Variants in HERPUD2 observed in about 807,000 individuals in gnomAD.
HERPUD2 encodes homocysteine-responsive endoplasmic reticulum-resident ubiquitin-like domain member 2 protein.
Under a neutral mutation model 49.9 loss-of-function variants are expected in HERPUD2, and 13 were observed. The observed-to-expected ratio is 0.26, with a 90% confidence interval of 0.17 to 0.41. The LOEUF is 0.41. Among genes scored for constraint, HERPUD2 ranks in the 10% least tolerant of loss-of-function variants. The probability of loss-of-function intolerance (pLI) is 1.00; values close to 1 mark genes in which losing one functional copy is unlikely to be tolerated. For missense variants in HERPUD2, 449 were observed against 492.2 expected (o/e 0.91, Z 0.83); for synonymous variants, 172 against 171.4 (o/e 1.00, Z -0.03).
chr7:35,686,697 C>A (rs1268541474), intron 2 of HERPUD2, among the ~76,000 whole-genome samples: 1 of 75,888 alleles, frequency 1.3e-5, no homozygotes, highest in Non-Finnish European at 2.3e-5. Context: ...CCAGCCTGGG[C>A]GACAGAACGA....
At chr7:35,637,426 T>A (rs1784889622) in intron 6 of HERPUD2, among the ~76,000 whole-genome samples, 1 of 152,028 alleles carries the variant, frequency 6.6e-6, no homozygotes, top group South Asian at 2.1e-4. Context: ...AGAGCTTGAG[T>A]AATAAGAAGA....
At chr7:35,662,757 C>T (rs1383493009) in intron 5 of HERPUD2, among the ~76,000 whole-genome samples, 2 of 152,116 alleles carry the variant, frequency 1.3e-5, no homozygotes, top group East Asian at 1.9e-4. Context: ...TGATTCTTCT[C>T]GCTTTTGTTC....
chr7:35,682,783 C>A (rs1443210007), intron 2 of HERPUD2, among the ~76,000 whole-genome samples: 3 of 148,812 alleles, frequency 2.0e-5, no homozygotes, highest in Non-Finnish European at 3.0e-5. Flanking sequence ...AGCAACCAAG[C>A]GGAGAATCAA....
At chr7:35,673,437 T>C (rs181625750) in intron 2 of HERPUD2, among the ~76,000 whole-genome samples, 159 bp from the exon 3 acceptor site, 56 of 152,264 alleles carry the variant, frequency 3.7e-4, no homozygotes, top group African/African-American at 1.3e-3. Flanking sequence ...CAAATTCTAC[T>C]TAAGAAAAAA....
chr7:35,682,384 T>G (rs1785934527), intron 2 of HERPUD2, among the ~76,000 whole-genome samples: 1 of 133,362 alleles, frequency 7.5e-6, no homozygotes, highest in African/African-American at 2.8e-5. Flanking sequence ...TATATATATA[T>G]ATACTTAATC....
intron 2 of HERPUD2, among the ~76,000 whole-genome samples, chr7:35,690,499 G>A (rs1454454976): frequency 1.3e-5 from 2 of 152,174 alleles, no homozygotes; most frequent in Non-Finnish European, 1.5e-5. Context: ...AGTCATCAGT[G>A]CAAACATTAA....
chr7:35,673,674 C>A (rs139382371), intron 2 of HERPUD2, among the ~76,000 whole-genome samples: 1 of 152,068 alleles, frequency 6.6e-6, no homozygotes, highest in East Asian at 1.9e-4. Flanking sequence ...GATAAAATTT[C>A]GATGTCACCA....
chr7:35,671,743 A>T (rs1417924594), intron 3 of HERPUD2, among the ~76,000 whole-genome samples: 1 of 152,104 alleles, frequency 6.6e-6, no homozygotes, highest in South Asian at 2.1e-4. Context: ...TAGGGGCACA[A>T]GAGTTCTTTG....
chr7:35,651,334 A>C (rs2115880342), intron 5 of HERPUD2, among the ~76,000 whole-genome samples: 1 of 152,232 alleles, frequency 6.6e-6, no homozygotes, highest in East Asian at 1.9e-4. Flanking sequence ...CTGGGGCCTA[A>C]GGACAGGCAT....
intron 2 of HERPUD2, among the ~76,000 whole-genome samples, chr7:35,679,564 G>T (rs930683719): frequency 6.6e-6 from 1 of 152,162 alleles, no homozygotes; most frequent in Non-Finnish European, 1.5e-5. Flanking sequence ...AGGAATCAAG[G>T]TTTAGAAAAA....
intron 5 of HERPUD2, among the ~76,000 whole-genome samples, chr7:35,666,136 C>A (rs1309501529): frequency 6.6e-6 from 1 of 152,174 alleles, no homozygotes; most frequent in Non-Finnish European, 1.5e-5. Context: ...GTATTTGAAG[C>A]TACTGTTCCA....
intron 2 of HERPUD2, among the ~76,000 whole-genome samples, chr7:35,685,439 TC>T (rs1157667836): frequency 6.6e-6 from 1 of 150,824 alleles, no homozygotes; most frequent in Non-Finnish European, 1.5e-5. Context: ...TTCTCGTGCC[TC>T]AGCCTCCCGA....
chr7:35,633,710 GC>G lies in HERPUD2; in HGVS notation c.1200del (p.Pro401LeufsTer26). On this transcript the variant is annotated frameshift_variant, in exon 9 of 9. Coordinates refer to ENST00000311350, the MANE Select transcript of HERPUD2 (RefSeq NM_022373.5). LOFTEE classifies it high-confidence loss of function. ...TTFFTSLIPE[G>X]PPQVAN is the part of the protein sequence containing the mutation. ...TCAGGTCAATTGGCAACCTGGGGAG[GC>G]CCCTCTGGTATTAGTGAAGTAAAGA... 6.2e-7 allele frequency: 1 copy of G among 1,613,558 alleles called. No homozygotes were observed. The highest frequency in any genetic ancestry group is 8.5e-7 in the Non-Finnish European group (1 of 1,179,730).
At position 35,635,263 on chromosome 7, in the gene HERPUD2, GTCT is replaced by G. The variant is rs1784852143; in HGVS notation, c.810_812del (p.Glu270del). Reference sequence around the variant, plus strand: ...TCCAGTCTAGCCAGTCTCGATTGAAGTCTTCTTCATTTAGTACTGGACCTCCCT... The same window carrying G: ...TCCAGTCTAGCCAGTCTCGATTGAAGTCTTCATTTAGTACTGGACCTCCCT... On this transcript the variant is annotated inframe_deletion, in exon 7 of 9. Coordinates refer to ENST00000311350, the MANE Select transcript of HERPUD2 (RefSeq NM_022373.5). 2.5e-6 allele frequency: 4 copies of G among 1,614,180 alleles called. No homozygotes were observed. Among genetic ancestry groups the G allele is most frequent in the Non-Finnish European group, 3.4e-6 (4 of 1,180,026 alleles).
At chr7:35,656,740 T>C (rs1244535278) in intron 5 of HERPUD2, among the ~76,000 whole-genome samples, 1 of 152,146 alleles carries the variant, frequency 6.6e-6, no homozygotes, top group Non-Finnish European at 1.5e-5. Flanking sequence ...TCAACAAAGG[T>C]GTCAAGAACA....
rs1200158673 is a variant in HERPUD2, at chr7:35,638,372, C to T, written c.595G>A (p.Ala199Thr). Residue 199 changes from alanine to threonine, a missense_variant, in exon 6 of 9, where the codon GCT becomes ACT. Physicochemically the swap from Ala to Thr is moderately conservative, Grantham distance 58. Transcript: ENST00000311350. ...LQMLWWQQMYAHQYYMQYQAA... is the reference protein window; with the variant it reads ...LQMLWWQQMYTHQYYMQYQAA... Reference sequence around the variant, plus strand: ...TACTACTGCATATAATACTGATGAGCATACATCTGTTGCCACCATAGCATC... The same window carrying T: ...TACTACTGCATATAATACTGATGAGTATACATCTGTTGCCACCATAGCATC... The T allele has an allele frequency of 6.2e-7, 1 of 1,613,168 alleles. No individual in the cohort carries two copies. Among genetic ancestry groups the T allele is most frequent in the Non-Finnish European group, 8.5e-7 (1 of 1,179,274 alleles).
chr7:35,665,711 G>A (rs1469093656), intron 5 of HERPUD2, among the ~76,000 whole-genome samples: 1 of 152,212 alleles, frequency 6.6e-6, no homozygotes, highest in African/African-American at 2.4e-5. Flanking sequence ...GACTGGAGCT[G>A]TTCCTATTCG....
chr7:35,664,379 A>G (rs1244230168), intron 5 of HERPUD2, among the ~76,000 whole-genome samples: 1 of 152,068 alleles, frequency 6.6e-6, no homozygotes, highest in African/African-American at 2.4e-5. Flanking sequence ...TGGAATTGCT[A>G]TTCTCGAGGA....
At chr7:35,674,326 T>C (rs1380057692) in intron 2 of HERPUD2, among the ~76,000 whole-genome samples, 3 of 146,368 alleles carry the variant, frequency 2.0e-5, no homozygotes, top group Admixed American at 7.0e-5. Flanking sequence ...CAAACTCCTA[T>C]ATATAAACAA....
Sources: gnomAD v4.1 joint callset for allele counts (sites outside exome capture counted in the v4.1 genomes callset) on GRCh38, gnomAD v4.1.1 for gene constraint, MANE v1.5 for transcripts, NCBI Gene and HGNC (gene_info 2026-07-23, HGNC 2026-07-21) for gene names.